The following HGD variants were observed in gnomAD, a reference collection of about 807,000 sequenced individuals.
The protein encoded by HGD is homogentisate 1,2-dioxygenase.
A neutral mutation model predicts 60.8 loss-of-function variants in HGD; 61 were observed. The observed-to-expected ratio is 1.00, with a 90% CI of 0.82 to 1.24. HGD has a LOEUF of 1.24. Ranked by LOEUF, HGD falls within the 50% of genes most tolerant of loss-of-function variation. HGD has a pLI of 0.00. For missense variants in HGD, 542 were observed against 547.1 expected, an observed-to-expected ratio of 0.99 and a Z score of 0.09; for synonymous variants, 212 against 187.7, an observed-to-expected ratio of 1.13 and a Z score of -1.06.
At chr3:120,650,672 T>C (rs749390620) in intron 6 of HGD, 102 bp downstream of exon 6, 5 of 818,370 alleles carry the variant, frequency 6.1e-6, no homozygotes, top group Admixed American at 1.7e-5. Flanking sequence ...AACAACTATG[T>C]ATGTGCATAT....
intron 13 of HGD, among the ~76,000 whole-genome samples, chr3:120,629,396 A>G (rs550045387): frequency 1.3e-5 from 2 of 152,232 alleles, no homozygotes; most frequent in Admixed American, 6.5e-5. Flanking sequence ...AAGCACCCAC[A>G]TTAATGTTTG....
rs149813105 is a variant in HGD, at chr3:120,678,256, T to A, written c.16-2393A>T. ...CTCAAAATGAACCCCATGCTCACCA[T>A]CAACGGGATTGAATTTGAGCTGCTG... On this transcript the variant is annotated intron_variant, in intron 1 of 13. Coordinates refer to ENST00000283871, the MANE Select transcript of HGD (RefSeq NM_000187.4). Among the ~76,000 whole-genome samples, 261 of 152,346 alleles carry A rather than the reference T, an allele frequency of 1.7e-3. 1 individual carries two copies. Among genetic ancestry groups the A allele is most frequent in the African/African-American group, 6.1e-3 (254 of 41,568 alleles).
At chr3:120,641,059 A>G (rs1341413573) in intron 11 of HGD, among the ~76,000 whole-genome samples, 3 of 152,300 alleles carry the variant, frequency 2.0e-5, no homozygotes, top group Admixed American at 6.5e-5. Context: ...GACCAAGTTC[A>G]TGCTCTAGAA....
At chr3:120,636,555 C>G (rs1284201230) in intron 12 of HGD, among the ~76,000 whole-genome samples, 1 of 152,198 alleles carries the variant, frequency 6.6e-6, no homozygotes, top group Non-Finnish European at 1.5e-5. Context: ...GCAATTTTCT[C>G]TCCTTGACAA....
At chr3:120,672,924 G>A (rs966720817) in intron 3 of HGD, among the ~76,000 whole-genome samples, 2 of 152,162 alleles carry the variant, frequency 1.3e-5, no homozygotes, top group African/African-American at 2.4e-5. Flanking sequence ...GGATCAATCA[G>A]CTAGCTAATC....
At chr3:120,676,292 C>T (rs1708129282) in intron 1 of HGD, among the ~76,000 whole-genome samples, 1 of 152,216 alleles carries the variant, frequency 6.6e-6, no homozygotes, top group Non-Finnish European at 1.5e-5. Context: ...CTATCTGCCT[C>T]ATCTATGGAA....
At chr3:120,629,730 C>T (rs940199056) in intron 13 of HGD, among the ~76,000 whole-genome samples, 8 of 152,268 alleles carry the variant, frequency 5.3e-5, no homozygotes, top group Admixed American at 2.0e-4. Flanking sequence ...GACAAGGATG[C>T]TCTCTCTCAC....
At chr3:120,672,623 C>T (rs2859504) in intron 3 of HGD, among the ~76,000 whole-genome samples, 6 of 152,168 alleles carry the variant, frequency 3.9e-5, no homozygotes, top group African/African-American at 1.2e-4. Flanking sequence ...CTTACTAAGC[C>T]TCTCCAGCTC....
intron 4 of HGD, among the ~76,000 whole-genome samples, chr3:120,663,030 C>T (rs943327732): frequency 1.3e-5 from 2 of 152,128 alleles, no homozygotes; most frequent in East Asian, 3.9e-4. Flanking sequence ...TGAGAGAGGC[C>T]TCAGAAGAAA....
chr3:120,654,463 T>C (rs913111540), intron 4 of HGD, among the ~76,000 whole-genome samples: 4 of 152,176 alleles, frequency 2.6e-5, no homozygotes, highest in African/African-American at 9.7e-5. Context: ...GATTCTTGTA[T>C]TGATGAACCA....
In HGD at chr3:120,641,535, C is replaced by A. The variant is rs923264545; in HGVS notation, c.879+54G>T. ...TAAATGTCAGGGGTCTACTGTGGAC[C>A]CCTCCCACCCAAGCGTTGCCTCATC... On this transcript the variant is annotated intron_variant, in intron 11 of 13. Transcript: ENST00000283871. 8.4e-6 allele frequency: 9 copies of A among 1,066,226 alleles called. No individual in the cohort carries two copies. In the African/African-American group the frequency reaches 1.4e-4, roughly 17 times the overall value. 66.0% of individuals were successfully genotyped at this position (1,066,226 alleles called of 1,614,324 possible). A position where few individuals can be genotyped will look rare whatever the true frequency, so the allele number is the denominator to read the frequency against.
Position 120,644,360 on chromosome 3 carries a change from C to T in HGD, c.733G>A (p.Val245Ile). The change falls in exon 10 of 14, where the codon GTC (valine) becomes ATC (isoleucine). Residue 245 changes from valine to isoleucine, a missense_variant. Around this residue, in one of 2 missense-constraint regions of HGD, gnomAD observed 537 missense variants for 529.1 expected, o/e 1.01. Coordinates refer to ENST00000283871, the MANE Select transcript of HGD (RefSeq NM_000187.4). ...AGCTTGCCCTGGTATTTATTAATGA[C>T]CGTGTAACCACCTGGTACTTGGCGA... ...EDRQVPGGYT[V>I]INKYQGKLFA... 6.2e-7 allele frequency: 1 copy of T among 1,614,114 alleles called. No individual in the cohort carries two copies. Among genetic ancestry groups the T allele is most frequent in the Non-Finnish European group, 8.5e-7 (1 of 1,180,008 alleles).
chr3:120,655,370 C>T lies in HGD; in HGVS notation c.283-2719G>A, dbSNP rs141150009. On this transcript the variant is annotated intron_variant, in intron 4 of 13. Coordinates refer to ENST00000283871, the MANE Select transcript of HGD (RefSeq NM_000187.4). Reference sequence around the variant, plus strand: ...AGGGCCCACAATCCGGAAGAAGCAACGACCTTGACGAACCTTCTCTAATGC... The same window carrying T: ...AGGGCCCACAATCCGGAAGAAGCAATGACCTTGACGAACCTTCTCTAATGC... 5.0e-3 allele frequency among the ~76,000 whole-genome samples: 763 copies of T among 152,276 alleles called. 2 individuals carry two copies. The highest frequency in any genetic ancestry group is 0.017 in the African/African-American group (724 of 41,546).
In HGD at chr3:120,682,147, C is replaced by T; in HGVS notation, c.-36G>A. 1 of 1,609,756 alleles carries T rather than the reference C, an allele frequency of 6.2e-7. No individual in the cohort carries two copies. The highest frequency in any genetic ancestry group is 1.1e-5 in the South Asian group (1 of 91,000). On this transcript the variant is annotated 5_prime_UTR_variant, in exon 1 of 14. Coordinates refer to ENST00000283871, the MANE Select transcript of HGD (RefSeq NM_000187.4). ...CTCTATGTGTGGTGACTTCAGGAAA[C>T]CCAGGCCCAGAGGATATAAAGCCAC...
At chr3:120,630,938 G>A (rs1235726731) in intron 13 of HGD, among the ~76,000 whole-genome samples, 1 of 150,862 alleles carries the variant, frequency 6.6e-6, no homozygotes, top group Non-Finnish European at 1.5e-5. Context: ...TCAGGAACAC[G>A]ACGGAGCTGG....
At position 120,670,468 on chromosome 3, in the gene HGD, C is replaced by A; in HGVS notation, c.241G>T (p.Val81Phe). ...TCAACTTCATCCCAGTTGTGAGTGA[C>A]TTGGCCTTCGTCAATGGATTCAAAG... ...KPFESIDEGQVTHNWDEVDPD... is the reference protein window; with the variant it reads ...KPFESIDEGQFTHNWDEVDPD... Residue 81 changes from valine (V) to phenylalanine (F), a missense_variant, in exon 4 of 14, where the codon GTC becomes TTC. Coordinates refer to ENST00000283871, the MANE Select transcript of HGD (RefSeq NM_000187.4). The A allele has an allele frequency of 6.2e-7, 1 of 1,610,430 alleles. No homozygotes were observed. Among genetic ancestry groups the A allele is most frequent in the Non-Finnish European group, 8.5e-7 (1 of 1,176,700 alleles).
At chr3:120,636,477 A>G (rs533435055) in intron 12 of HGD, among the ~76,000 whole-genome samples, 3 of 152,322 alleles carry the variant, frequency 2.0e-5, no homozygotes, top group East Asian at 1.9e-4. Context: ...AGTAACCTCA[A>G]TACAAGAACA....
At chr3:120,633,085 AC>A (rs1940639202) in intron 13 of HGD, 61 bp downstream of exon 13, 1 of 1,487,222 alleles carries the variant, frequency 6.7e-7, no homozygotes. Context: ...AAAAACGGCC[AC>A]CCCTCTCAGT....
At chr3:120,657,060 C>T (rs1419720727) in intron 4 of HGD, among the ~76,000 whole-genome samples, 1 of 152,164 alleles carries the variant, frequency 6.6e-6, no homozygotes, top group Non-Finnish European at 1.5e-5. Flanking sequence ...GTTGTTCTAT[C>T]AACTGTTGAG....
Sources: gnomAD v4.1 joint callset for allele counts (sites outside exome capture counted in the v4.1 genomes callset) on GRCh38, gnomAD v4.1.1 for gene constraint, gnomAD v4.1.1 regional missense constraint, MANE v1.5 for transcripts, NCBI Gene and HGNC (gene_info 2026-07-23, HGNC 2026-07-21) for gene names.